C4orf33: variants seen among roughly 807,000 people sequenced by gnomAD.
The protein encoded by C4orf33 is chromosome 4 open reading frame 33.
A neutral mutation model predicts 24.3 loss-of-function variants in C4orf33; 20 were observed. That is an observed-to-expected ratio of 0.82 (90% CI 0.58 to 1.19). The LOEUF (loss-of-function observed/expected upper bound fraction) is 1.19. Ranked by LOEUF, C4orf33 falls within the 50% of genes most tolerant of loss-of-function variation. The pLI is 0.00. For missense variants in C4orf33, 207 were observed against 225.9 expected (o/e 0.92, Z 0.54); for synonymous variants, 67 against 76.4 (o/e 0.88, Z 0.64).
In C4orf33 at chr4:129,111,677, T is replaced by C; in HGVS notation, c.495-9T>C. 1 of 1,545,256 alleles carries C rather than the reference T, an allele frequency of 6.5e-7. No individual in the cohort carries two copies. The highest frequency in any genetic ancestry group is 8.9e-7 in the Non-Finnish European group (1 of 1,124,168). On this transcript the variant is annotated splice_polypyrimidine_tract_variant and intron_variant, in intron 5 of 5. Coordinates refer to ENST00000425929, the MANE Select transcript of C4orf33 (RefSeq NM_001099783.2). ...TTTCAATTCCCACCTTCTTTTTCTT[T>C]GCTTTTAGCCATTGCCTAGAATACT...
In C4orf33 at chr4:129,113,197, A is replaced by G. The variant is rs1753724939; in HGVS notation, c.*1406A>G. On this transcript the variant is annotated 3_prime_UTR_variant, in exon 6 of 6. Coordinates refer to ENST00000425929, the MANE Select transcript of C4orf33 (RefSeq NM_001099783.2). ...CAACAATATAAAATACTGAATTTGA[A>G]TGTTGTAGCTTGTGAGCTTTCTCAA... The G allele has an allele frequency of 6.6e-6, 1 of 152,170 alleles. No individual in the cohort carries two copies. The highest frequency in any genetic ancestry group is 1.5e-5 in the Non-Finnish European group (1 of 68,010). The allele number at this position is 152,170 out of a possible 1,614,324, so 9.4% of individuals were successfully genotyped here.
At chr4:129,111,035 C>T (rs1406140934) in intron 5 of C4orf33, among the ~76,000 whole-genome samples, 2 of 152,152 alleles carry the variant, frequency 1.3e-5, no homozygotes, top group African/African-American at 4.8e-5. Context: ...TTCATTCATA[C>T]ATTATTTGGA....
At chr4:129,096,067 T>C (rs1224608450), upstream of C4orf33, 3 of 152,166 alleles carry the variant, frequency 2.0e-5, no homozygotes, top group Non-Finnish European at 4.4e-5. Flanking sequence ...CATCTTTCTT[T>C]CCTAGAAAAA....
At chr4:129,100,665 A>C (rs934200808) in intron 1 of C4orf33, 2 of 152,218 alleles carry the variant, frequency 1.3e-5, no homozygotes, top group African/African-American at 2.4e-5. Flanking sequence ...TAATGTATGC[A>C]GAATTTTTGT....
chr4:129,108,506 T>G (rs1474674099), intron 3 of C4orf33, among the ~76,000 whole-genome samples: 1 of 152,192 alleles, frequency 6.6e-6, no homozygotes, highest in Non-Finnish European at 1.5e-5. Context: ...ATTAAAATCT[T>G]TAGCCTGTTG....
chr4:129,102,705 T>C lies in C4orf33; in HGVS notation c.95T>C (p.Met32Thr), dbSNP rs1753393929. The part of the protein sequence containing the change: ...RLNPGDRGVM[M>T]DISAPFFRDP... ...AATCCAGGTGACAGAGGAGTGATGA[T>C]GGACATTAGTGCTCCATTTTTCAGG... The change falls in exon 2 of 6, where the codon ATG (methionine) becomes ACG (threonine). Residue 32 changes from methionine to threonine, a missense_variant. Coordinates refer to ENST00000425929, the MANE Select transcript of C4orf33 (RefSeq NM_001099783.2). 6.2e-7 allele frequency: 1 copy of C among 1,614,180 alleles called. No homozygotes were observed.
chr4:129,111,121 G>T (rs1041826743), intron 5 of C4orf33, among the ~76,000 whole-genome samples: 2 of 152,158 alleles, frequency 1.3e-5, no homozygotes, highest in African/African-American at 4.8e-5. Context: ...TACAGAGTGG[G>T]GCTCCACTGC....
At chr4:129,101,828 G>A (rs1753360071) in intron 1 of C4orf33, among the ~76,000 whole-genome samples, 1 of 152,150 alleles carries the variant, frequency 6.6e-6, no homozygotes, top group African/African-American at 2.4e-5. Flanking sequence ...TTAAATGATT[G>A]CAGATTCTGT....
At position 129,112,375 on chromosome 4, in the gene C4orf33, T is replaced by C. The variant is rs564693053; in HGVS notation, c.*584T>C. 4.6e-5 allele frequency: 7 copies of C among 152,308 alleles called. No homozygotes were observed. The highest frequency in any genetic ancestry group is 1.7e-4 in the African/African-American group (7 of 41,576). 9.4% of individuals were successfully genotyped at this position (152,308 alleles called of 1,614,324 possible). A position where few individuals can be genotyped will look rare whatever the true frequency, so the allele number is the denominator to read the frequency against. ...TGAGCAAAACAAACCAAACATAACA[T>C]ACTATCTAATTACTTTTATATTAAA... On this transcript the variant is annotated 3_prime_UTR_variant, in exon 6 of 6. Coordinates refer to ENST00000425929, the MANE Select transcript of C4orf33 (RefSeq NM_001099783.2).
In C4orf33 at chr4:129,114,259, T is replaced by C. The variant is rs1052319845; in HGVS notation, c.*2468T>C. On this transcript the variant is annotated 3_prime_UTR_variant, in exon 6 of 6. Transcript: ENST00000425929. ...TGTGTGAAGGGACTAAAACACCCCATGGGGCACCTCTTGACCAAAGAGGGT... is the reference window on the plus strand; with the variant it reads ...TGTGTGAAGGGACTAAAACACCCCACGGGGCACCTCTTGACCAAAGAGGGT... The C allele has an allele frequency of 1.3e-5, 2 of 152,138 alleles. No individual in the cohort carries two copies. The highest frequency in any genetic ancestry group is 6.5e-5 in the Admixed American group (1 of 15,278). The allele number at this position is 152,138 out of a possible 1,614,324, so 9.4% of individuals were successfully genotyped here.
In C4orf33 at chr4:129,109,509, G is replaced by T; in HGVS notation, c.331G>T (p.Glu111Ter). The T allele has an allele frequency of 6.2e-7, 1 of 1,613,850 alleles. No individual in the cohort carries two copies. Among genetic ancestry groups the T allele is most frequent in the Non-Finnish European group, 8.5e-7 (1 of 1,179,764 alleles). The change falls in exon 5 of 6, where the codon GAG (glutamate) becomes TAG (stop). Residue 111 changes from glutamate (E) to a stop codon, truncating the protein, a stop_gained. Coordinates refer to ENST00000425929, the MANE Select transcript of C4orf33 (RefSeq NM_001099783.2). LOFTEE classifies it high-confidence loss of function. The stretch of plus-strand genomic sequence containing the variant: ...TTTATCGTTCAGAATGTCCAGAGGA[G>T]AGACAAAATGGGAAGGCAAAGCTTA... ...LPLSFRMSRG[E>*]TKWEGKAYLP...
chr4:129,105,178 T>A (rs1753480735), intron 2 of C4orf33, among the ~76,000 whole-genome samples: 1 of 152,196 alleles, frequency 6.6e-6, no homozygotes, highest in Non-Finnish European at 1.5e-5. Flanking sequence ...AAACCCACTC[T>A]TCCCTGGGTC....
upstream of C4orf33, chr4:129,096,046 T>C (rs1011608407): frequency 3.3e-5 from 5 of 152,218 alleles, no homozygotes; most frequent in Non-Finnish European, 7.3e-5. Context: ...TGTTCATGTG[T>C]GGCCCTTCAA....
chr4:129,099,144 A>T (rs562610967), intron 1 of C4orf33, among the ~76,000 whole-genome samples: 3 of 152,160 alleles, frequency 2.0e-5, no homozygotes, highest in African/African-American at 7.2e-5. Context: ...TTTGATTTTT[A>T]TGTTTAAATC....
chr4:129,096,582 A>G (rs1016393262), intron 1 of C4orf33, among the ~76,000 whole-genome samples: 4 of 152,198 alleles, frequency 2.6e-5, no homozygotes, highest in Non-Finnish European at 5.9e-5. Context: ...TTAATGCTCC[A>G]GTGTTCGGTC....
chr4:129,103,596 CCTT>C (rs941057108), intron 2 of C4orf33, among the ~76,000 whole-genome samples: 7 of 152,260 alleles, frequency 4.6e-5, no homozygotes, highest in African/African-American at 1.7e-4. Flanking sequence ...TCTATGATCT[CCTT>C]CTACTGTATC....
chr4:129,111,832 CT>C lies in C4orf33; in HGVS notation c.*45del. The C allele has an allele frequency of 3.6e-6, 4 of 1,120,670 alleles. No individual in the cohort carries two copies. Among genetic ancestry groups the C allele is most frequent in the South Asian group, 1.5e-5 (1 of 68,160 alleles). The allele number at this position is 1,120,670 out of a possible 1,614,324, so 69.4% of individuals were successfully genotyped here. ...ATACCGATCATTTTTTCCTCTATAC[CT>C]TTTAAGATAAACAAAAAATAAATAT... On this transcript the variant is annotated 3_prime_UTR_variant, in exon 6 of 6. Coordinates refer to ENST00000425929, the MANE Select transcript of C4orf33 (RefSeq NM_001099783.2).
rs1443665191 is a variant in C4orf33, at chr4:129,109,690, G to A, written c.494+18G>A. On this transcript the variant is annotated intron_variant, in intron 5 of 5. Coordinates refer to ENST00000425929, the MANE Select transcript of C4orf33 (RefSeq NM_001099783.2). ...CCTGATTTGTAAGTAGAAAATAAAT[G>A]AAGATATGTTCCAAATACACGAGTT... The A allele has an allele frequency of 6.2e-7, 1 of 1,601,008 alleles. No homozygotes were observed. The highest frequency in any genetic ancestry group is 8.5e-7 in the Non-Finnish European group (1 of 1,169,934).
chr4:129,104,771 C>T (rs1030543289), intron 2 of C4orf33, among the ~76,000 whole-genome samples: 1 of 151,978 alleles, frequency 6.6e-6, no homozygotes, highest in African/African-American at 2.4e-5. Flanking sequence ...TCTATTTTTT[C>T]CTGTAGCAAT....
Sources: allele counts gnomAD v4.1 joint callset (sites outside exome capture counted in the v4.1 genomes callset), GRCh38; gene constraint gnomAD v4.1.1; transcripts MANE v1.5; gene names NCBI Gene and HGNC (gene_info 2026-07-23, HGNC 2026-07-21).